Variants in IL6 observed in about 807,000 individuals in gnomAD.
The protein encoded by IL6 is interleukin 6, also known as interleukin-6.
In IL6, 5 loss-of-function variants were observed where a neutral mutation model predicts 18.0. That is an observed-to-expected ratio of 0.28 (90% CI 0.15 to 0.58). The LOEUF is 0.58. IL6 is among the 20% of genes least tolerant of loss of function. The pLI, the probability that IL6 is intolerant of heterozygous loss-of-function variation, is 0.90. For missense variants in IL6, 266 were observed against 251.0 expected, an observed-to-expected ratio of 1.06 and a Z score of -0.40; for synonymous variants, 97 against 95.1, an observed-to-expected ratio of 1.02 and a Z score of -0.12.
intron 3 of IL6, among the ~76,000 whole-genome samples, chr7:22,729,152 G>T (rs999829650): frequency 3.9e-5 from 6 of 152,092 alleles, no homozygotes; most frequent in African/African-American, 1.4e-4. Context: ...TCCCTGCCCA[G>T]CTCATTCTCC....
At chr7:22,730,576 A>G (rs1315811137) in intron 4 of IL6, among the ~76,000 whole-genome samples, 3 of 152,180 alleles carry the variant, frequency 2.0e-5, no homozygotes, top group African/African-American at 7.2e-5. Context: ...TGAGAGGGAA[A>G]CTGGAGAAAA....
chr7:22,727,713 CT>C, intron 2 of IL6, 79 bp downstream of exon 2: 1 of 1,470,190 alleles, frequency 6.8e-7, no homozygotes, highest in Non-Finnish European at 9.1e-7. Context: ...CGGGGGCTGC[CT>C]GCATTAGGAG....
At position 22,729,587 on chromosome 7, in the gene IL6, T is replaced by A. The variant is rs776504834; in HGVS notation, c.398T>A (p.Phe133Tyr). Residue 133 changes from phenylalanine to tyrosine, a missense_variant, in exon 4 of 5, where the codon TTT becomes TAT. Physicochemically the swap from Phe to Tyr is conservative, Grantham distance 22. Transcript: ENST00000258743. ...EVYLEYLQNR[F>Y]ESSEEQARAV... is the part of the protein sequence containing the mutation. ...TACCTAGAGTACCTCCAGAACAGAT[T>A]TGAGAGTAGTGAGGAACAAGCCAGA... 6 of 1,614,170 alleles carry A rather than the reference T, an allele frequency of 3.7e-6. No homozygotes were observed. The highest frequency in any genetic ancestry group is 5.1e-6 in the Non-Finnish European group (6 of 1,180,028).
Position 22,728,693 on chromosome 7 carries a change from A to T in IL6, c.211A>T (p.Thr71Ser). ...TAACAATTCTGGTATTCTTTCCCAG[A>T]CATGTAACAAGAGTAACATGTGTGA... The part of the protein sequence containing the change: ...LDGISALRKE[T>S]CNKSNMCESS... The change falls in exon 3 of 5, where the codon ACA (threonine) becomes TCA (serine). Residue 71 changes from threonine (T) to serine (S), a missense_variant and splice_region_variant. By Grantham distance (58) the Thr-to-Ser change is moderately conservative. Transcript: ENST00000258743. 1.3e-6 allele frequency: 2 copies of T among 1,577,362 alleles called. No individual in the cohort carries two copies. Among genetic ancestry groups the T allele is most frequent in the Non-Finnish European group, 1.7e-6 (2 of 1,146,416 alleles).
intron 4 of IL6, among the ~76,000 whole-genome samples, chr7:22,730,775 G>A (rs1204606881): frequency 6.6e-6 from 1 of 152,146 alleles, no homozygotes; most frequent in Non-Finnish European, 1.5e-5. Context: ...GGGAGCCTAA[G>A]GTGAGAACTC....
rs781740062 is a variant in IL6, at chr7:22,728,802, A to G, written c.320A>G (p.Asn107Ser). 1.2e-5 allele frequency: 19 copies of G among 1,586,206 alleles called. No individual in the cohort carries two copies. The highest frequency in any genetic ancestry group is 5.5e-5 in the South Asian group (5 of 90,500). Residue 107 changes from asparagine to serine, a missense_variant, in exon 3 of 5, where the codon AAT (asparagine) becomes AGT (serine). Transcript: ENST00000258743. ...GATGGATGCTTCCAATCTGGATTCA[A>G]TGAGGTACCAACTTGTCGCACTCAC... Reference protein sequence around the residue: ...EKDGCFQSGFNEETCLVKIIT... With the variant: ...EKDGCFQSGFSEETCLVKIIT...
intron 3 of IL6, 146 bp from the exon 4 acceptor site, chr7:22,729,368 C>T: frequency 1.4e-6 from 1 of 717,448 alleles, no homozygotes. Flanking sequence ...TGGTGCTGTC[C>T]AATGTCCCAA....
chr7:22,727,712 C>A (rs1307861322), intron 2 of IL6, 78 bp downstream of exon 2: 4 of 1,469,472 alleles, frequency 2.7e-6, no homozygotes, highest in Non-Finnish European at 3.7e-6. Context: ...CCGGGGGCTG[C>A]CTGCATTAGG....
Position 22,731,640 on chromosome 7 carries a change from G to T in IL6, c.*67G>T, listed in dbSNP as rs200226108. The T allele has an allele frequency of 9.7e-6, 12 of 1,243,200 alleles. No individual in the cohort carries two copies. Among genetic ancestry groups the T allele is most frequent in the Non-Finnish European group, 1.2e-5 (11 of 908,178 alleles). The allele number at this position is 1,243,200 out of a possible 1,614,324, so 77.0% of individuals were successfully genotyped here. A position where few individuals can be genotyped will look rare whatever the true frequency, so the allele number is the denominator to read the frequency against. On this transcript the variant is annotated 3_prime_UTR_variant, in exon 5 of 5. Transcript: ENST00000258743. ...TTCTGGTCAGAAACCTGTCCACTGG[G>T]CACAGAACTTATGTTGTTCTCTATG...
At chr7:22,731,270 C>T (rs1647720231) in intron 4 of IL6, 136 bp from the exon 5 acceptor site, 1 of 587,352 alleles carries the variant, frequency 1.7e-6, no homozygotes, top group Non-Finnish European at 2.8e-6. Flanking sequence ...GGGTCCTACT[C>T]AGAGCAGGCA....
rs1265694320 is a variant in IL6 at position 22,729,209 on chromosome 7, G to A, written c.325-305G>A. On this transcript the variant is annotated intron_variant, in intron 3 of 4. Coordinates refer to ENST00000258743, the MANE Select transcript of IL6 (RefSeq NM_000600.5). ...TCTTCTGATTATTTTATAAAAGGAG[G>A]TTCCAGCCCAGCATTAACAAGGGCA... is the stretch of plus-strand genomic sequence containing the variant. 3.3e-5 allele frequency among the ~76,000 whole-genome samples: 5 copies of A among 152,100 alleles called. No individual in the cohort carries two copies. The South Asian group carries it at 1.0e-3, about 32-fold the overall frequency.
chr7:22,728,815 T>G lies in IL6; in HGVS notation c.324+9T>G. The G allele has an allele frequency of 6.7e-7, 1 of 1,496,680 alleles. No individual in the cohort carries two copies. Among genetic ancestry groups the G allele is most frequent in the Non-Finnish European group, 9.3e-7 (1 of 1,073,130 alleles). 92.7% of individuals were successfully genotyped at this position (1,496,680 alleles called of 1,614,324 possible). A position where few individuals can be genotyped will look rare whatever the true frequency, so the allele number is the denominator to read the frequency against. On this transcript the variant is annotated intron_variant, in intron 3 of 4. Transcript: ENST00000258743. ...AATCTGGATTCAATGAGGTACCAAC[T>G]TGTCGCACTCACTTTTCACTATTCC... is the stretch of plus-strand genomic sequence containing the variant.
chr7:22,728,898 C>A, intron 3 of IL6, 92 bp downstream of exon 3: 4 of 735,824 alleles, frequency 5.4e-6, no homozygotes, highest in South Asian at 3.2e-5. Context: ...ATCCAGGCAG[C>A]AACAAAAAGT....
Position 22,731,692 on chromosome 7 carries a change from C to A in IL6, c.*119C>A. On this transcript the variant is annotated 3_prime_UTR_variant, in exon 5 of 5. Transcript: ENST00000258743. ...AGAACTAAAAGTATGAGCGTTAGGA[C>A]ACTATTTTAATTATTTTTAATTTAT... 1 of 501,216 alleles carries A rather than the reference C, an allele frequency of 2.0e-6. No homozygotes were observed. Among genetic ancestry groups the A allele is most frequent in the Non-Finnish European group, 3.2e-6 (1 of 316,270 alleles). The allele number at this position is 501,216 out of a possible 1,614,324, so 31.0% of individuals were successfully genotyped here. A position where few individuals can be genotyped will look rare whatever the true frequency, so the allele number is the denominator to read the frequency against.
In IL6 at chr7:22,729,513, G is replaced by A; in HGVS notation, c.325-1G>A. On this transcript the variant is annotated splice_acceptor_variant, in intron 3 of 4. Transcript: ENST00000258743. LOFTEE classifies it high-confidence loss of function. The stretch of plus-strand genomic sequence containing the variant: ...AATTTTCCCACCATCTTTCCTCTTA[G>A]GAGACTTGCCTGGTGAAAATCATCA... 2 of 1,612,246 alleles carry A rather than the reference G, an allele frequency of 1.2e-6. No homozygotes were observed. Among genetic ancestry groups the A allele is most frequent in the Non-Finnish European group, 1.7e-6 (2 of 1,178,644 alleles).
chr7:22,731,489 G>A lies in IL6; in HGVS notation c.555G>A (p.Trp185Ter). 6.2e-7 allele frequency: 1 copy of A among 1,608,934 alleles called. No homozygotes were observed. Among genetic ancestry groups the A allele is most frequent in the Non-Finnish European group, 8.5e-7 (1 of 1,176,148 alleles). The change falls in exon 5 of 5, where the codon TGG (tryptophan) becomes TGA (stop). Residue 185 changes from tryptophan to a stop codon, truncating the protein, a stop_gained. Transcript: ENST00000258743. LOFTEE classifies it low-confidence loss of function (END_TRUNC). ...LLTKLQAQNQ[W>*]LQDMTTHLIL... ...CGAAGCTGCAGGCACAGAACCAGTGGCTGCAGGACATGACAACTCATCTCA... is the reference window on the plus strand; with the variant it reads ...CGAAGCTGCAGGCACAGAACCAGTGACTGCAGGACATGACAACTCATCTCA...
chr7:22,730,410 T>G, intron 4 of IL6: 1 of 358,388 alleles, frequency 2.8e-6, no homozygotes, highest in South Asian at 1.1e-4. Context: ...ACCAGGCTTA[T>G]ATCCCTGGTG....
intron 2 of IL6, among the ~76,000 whole-genome samples, 153 bp downstream of exon 2, chr7:22,727,787 T>C (rs1784042080): frequency 6.6e-6 from 1 of 152,236 alleles, no homozygotes; most frequent in African/African-American, 2.4e-5. Flanking sequence ...GACTGACTTC[T>C]GTATTTATCC....
Position 22,727,505 on chromosome 7 carries a change from T to A in IL6, c.81T>A (p.Pro27=). Residue 27 remains proline (P), a synonymous_variant, in exon 2 of 5, where the codon CCT becomes CCA. Coordinates refer to ENST00000258743, the MANE Select transcript of IL6 (RefSeq NM_000600.5). The stretch of plus-strand genomic sequence containing the variant: ...TCCTGGTGTTGCCTGCTGCCTTCCC[T>A]GCCCCAGTACCCCCAGGAGAAGATT... ...GLLLVLPAAF[P]APVPPGEDSK... 6.2e-7 allele frequency: 1 copy of A among 1,614,092 alleles called. No homozygotes were observed. The highest frequency in any genetic ancestry group is 1.3e-5 in the African/African-American group (1 of 75,056).
Sources: gnomAD v4.1 joint callset for allele counts (sites outside exome capture counted in the v4.1 genomes callset) on GRCh38, gnomAD v4.1.1 for gene constraint, MANE v1.5 for transcripts, NCBI Gene and HGNC (gene_info 2026-07-23, HGNC 2026-07-21) for gene names.